The following ST18 variants were observed in gnomAD, a reference collection of about 807,000 sequenced individuals.
The protein encoded by ST18 is suppression of tumorigenicity 18 protein.
Under a neutral mutation model 110.0 loss-of-function variants are expected in ST18, and 50 were observed. The ratio of observed to expected loss-of-function variants is 0.45; its 90% CI spans 0.36 to 0.58. The LOEUF (loss-of-function observed/expected upper bound fraction) is 0.58. Among genes scored for constraint, ST18 ranks in the 20% least tolerant of loss-of-function variants. The pLI, the probability that ST18 is intolerant of heterozygous loss-of-function variation, is 0.00. For missense variants in ST18, 1,306 were observed against 1,280.1 expected, an observed-to-expected ratio of 1.02 and a Z score of -0.31; for synonymous variants, 461 against 452.4, an observed-to-expected ratio of 1.02 and a Z score of -0.24.
chr8:52,159,180 A>T (rs73679142), intron 14 of ST18, 71 bp from the exon 15 acceptor site: 18,220 of 1,400,774 alleles, frequency 0.013, 647 homozygotes, highest in African/African-American at 0.12. Flanking sequence ...TGTTTTTTTT[A>T]AAAATGTAAC....
intron 22 of ST18, among the ~76,000 whole-genome samples, chr8:52,128,931 T>C (rs2048132582): frequency 1.3e-5 from 2 of 152,194 alleles, no homozygotes; most frequent in Admixed American, 1.3e-4. Flanking sequence ...CCTGAATACA[T>C]GTCAGCTATT....
At chr8:52,180,417 T>A in intron 8 of ST18, 105 bp from the exon 9 acceptor site, 1 of 1,288,540 alleles carries the variant, frequency 7.8e-7, no homozygotes, top group Non-Finnish European at 1.1e-6. Flanking sequence ...AACTTGGGAC[T>A]AGAGGTTTAG....
At position 52,178,630 on chromosome 8, in the gene ST18, A is replaced by AAAACAAAAC. The variant is rs1563896322; in HGVS notation, c.277+1491_277+1492insGTTTTGTTT. Among the ~76,000 whole-genome samples, 2 of 130,748 alleles carry AAAACAAAAC rather than the reference A, an allele frequency of 1.5e-5. 1 individual carries two copies. Among genetic ancestry groups the AAAACAAAAC allele is most frequent in the African/African-American group, 6.9e-5 (2 of 28,790 alleles). The allele number at this position is 130,748 out of a possible 152,430, so 85.8% of individuals were successfully genotyped here. On this transcript the variant is annotated intron_variant, in intron 9 of 25. Coordinates refer to ENST00000689386, the MANE Select transcript of ST18 (RefSeq NM_001352837.2). The stretch of plus-strand genomic sequence containing the variant: ...AGACTCCATCAAAAAAAAAAAAAAA[A>AAAACAAAAC]AAAAAAAAAAAAACCACCAAAAACC...
chr8:52,207,708 C>G (rs532299217), intron 8 of ST18, among the ~76,000 whole-genome samples: 4 of 152,076 alleles, frequency 2.6e-5, no homozygotes, highest in African/African-American at 9.7e-5. Flanking sequence ...AGACTATGAA[C>G]GGACAGAGAG....
chr8:52,226,690 T>A (rs923807044), intron 3 of ST18, among the ~76,000 whole-genome samples: 2 of 152,228 alleles, frequency 1.3e-5, no homozygotes, highest in African/African-American at 2.4e-5. Flanking sequence ...ACTTCAAGGC[T>A]TGTGTTGCAA....
At chr8:52,219,504 C>T in intron 5 of ST18, among the ~76,000 whole-genome samples, 1 of 152,130 alleles carries the variant, frequency 6.6e-6, no homozygotes, top group East Asian at 1.9e-4. Flanking sequence ...ATGCTCTGTT[C>T]TTGTATGCCT....
At chr8:52,306,992 G>T (rs2095823988) in intron 2 of ST18, among the ~76,000 whole-genome samples, 1 of 151,958 alleles carries the variant, frequency 6.6e-6, no homozygotes, top group African/African-American at 2.4e-5. Flanking sequence ...AATGTTCTCA[G>T]GTACAACTTT....
chr8:52,163,972 T>G lies in ST18; in HGVS notation c.1400+14A>C. 3 of 1,600,652 alleles carry G rather than the reference T, an allele frequency of 1.9e-6. No homozygotes were observed. The highest frequency in any genetic ancestry group is 1.7e-6 in the Non-Finnish European group (2 of 1,168,278). On this transcript the variant is annotated intron_variant, in intron 13 of 25. Transcript: ENST00000689386. Reference sequence around the variant, plus strand: ...GATGAAGAGAGCACTGAGAACATCGTTAGGGGTTCATACCTGTGGGCCTGG... The same window carrying G: ...GATGAAGAGAGCACTGAGAACATCGGTAGGGGTTCATACCTGTGGGCCTGG...
intron 2 of ST18, among the ~76,000 whole-genome samples, chr8:52,336,800 C>T (rs1950348622): frequency 6.6e-6 from 1 of 152,112 alleles, no homozygotes; most frequent in African/African-American, 2.4e-5. Context: ...GAAATATAAT[C>T]AATTAATTTT....
intron 3 of ST18, among the ~76,000 whole-genome samples, chr8:52,222,650 T>C (rs1295921689): frequency 1.3e-5 from 2 of 152,224 alleles, no homozygotes; most frequent in Non-Finnish European, 2.9e-5. Context: ...CTATCATTAA[T>C]AACTCCACAC....
intron 2 of ST18, among the ~76,000 whole-genome samples, chr8:52,393,292 G>A (rs1185419224): frequency 6.6e-6 from 1 of 152,164 alleles, no homozygotes; most frequent in African/African-American, 2.4e-5. Context: ...AGTCAGTGAT[G>A]CCCAGACCTG....
chr8:52,358,373 G>T (rs1464547016), intron 2 of ST18, among the ~76,000 whole-genome samples: 4 of 151,866 alleles, frequency 2.6e-5, no homozygotes, highest in African/African-American at 9.7e-5. Context: ...AAATGAAATA[G>T]GGAGTAGAAG....
chr8:52,227,118 G>A (rs966245692), intron 3 of ST18, among the ~76,000 whole-genome samples: 3 of 152,056 alleles, frequency 2.0e-5, no homozygotes, highest in African/African-American at 4.8e-5. Context: ...GAGGCCAATG[G>A]GGCACTGGAT....
intron 2 of ST18, among the ~76,000 whole-genome samples, chr8:52,390,432 G>A (rs1291673127): frequency 6.6e-6 from 1 of 151,994 alleles, no homozygotes; most frequent in Non-Finnish European, 1.5e-5. Flanking sequence ...TCATATTAGT[G>A]GACAAGATGC....
chr8:52,122,718 A>G (rs1447775660), intron 23 of ST18, among the ~76,000 whole-genome samples: 1 of 151,900 alleles, frequency 6.6e-6, no homozygotes, highest in Non-Finnish European at 1.5e-5. Context: ...TGAACTCCTG[A>G]CCTCGTGATC....
intron 2 of ST18, among the ~76,000 whole-genome samples, chr8:52,292,369 G>GTGCA (rs1259810195): frequency 6.6e-6 from 1 of 152,086 alleles, no homozygotes; most frequent in East Asian, 1.9e-4. Context: ...GTTACATTTT[G>GTGCA]TGCATGCATG....
At chr8:52,183,272 A>G (rs1214620604) in intron 8 of ST18, among the ~76,000 whole-genome samples, 2 of 152,204 alleles carry the variant, frequency 1.3e-5, no homozygotes, top group Non-Finnish European at 2.9e-5. Context: ...ATTCAGCCTG[A>G]AGAAGATACT....
At chr8:52,146,435 AT>A (rs201878822) in intron 16 of ST18, among the ~76,000 whole-genome samples, 375 of 150,406 alleles carry the variant, frequency 2.5e-3, no homozygotes, top group African/African-American at 8.6e-3. Context: ...GTTTTTGGTG[AT>A]TTTTTTTTCT....
intron 2 of ST18, among the ~76,000 whole-genome samples, chr8:52,336,068 A>T (rs1394530482): frequency 6.6e-6 from 1 of 152,038 alleles, no homozygotes. Context: ...GTTAACTCCT[A>T]TCTCAGGAGG....
Sources: allele counts gnomAD v4.1 joint callset (sites outside exome capture counted in the v4.1 genomes callset), GRCh38; gene constraint gnomAD v4.1.1; transcripts MANE v1.5; gene names NCBI Gene and HGNC (gene_info 2026-07-23, HGNC 2026-07-21).